The following CLSPN variants were observed in gnomAD, a reference collection of about 807,000 sequenced individuals.
CLSPN encodes claspin homolog.
In CLSPN, 85 loss-of-function variants were observed where a neutral mutation model predicts 156.3. The ratio of observed to expected loss-of-function variants is 0.54; its 90% confidence interval spans 0.46 to 0.65. The LOEUF (loss-of-function observed/expected upper bound fraction) is 0.65, where lower values mean the gene tolerates loss of function less well. CLSPN is among the 30% of genes least tolerant of loss of function. The pLI is 0.00. For synonymous variants in CLSPN, 534 were observed against 542.4 expected (o/e 0.98, Z 0.22); for missense variants, 1,407 against 1,554.9 (o/e 0.90, Z 1.60).
chr1:35,764,268 G>C lies in CLSPN; in HGVS notation c.580C>G (p.Gln194Glu). 2 of 1,548,496 alleles carry C rather than the reference G, an allele frequency of 1.3e-6. No individual in the cohort carries two copies. Among genetic ancestry groups the C allele is most frequent in the Non-Finnish European group, 1.7e-6 (2 of 1,150,300 alleles). ...RQLKKKETKN[Q>E]EDDVEQPFND... ...GCAAATTATTCTTTAAAATGTACCTGGTTTTTTGTTTCCTTCTTTTTTAGC... is the reference window on the plus strand; with the variant it reads ...GCAAATTATTCTTTAAAATGTACCTCGTTTTTTGTTTCCTTCTTTTTTAGC... Residue 194 changes from glutamine (Q) to glutamate (E), a missense_variant and splice_region_variant, in exon 3 of 25, where the codon CAG (glutamine) becomes GAG (glutamate). Around this residue, in one of 3 missense-constraint regions of CLSPN, gnomAD observed 1,096 missense variants for 1,193.0 expected, o/e 0.92. Transcript: ENST00000318121.
chr1:35,739,011 G>T, intron 20 of CLSPN, 125 bp downstream of exon 20: 1 of 1,110,700 alleles, frequency 9.0e-7, no homozygotes, highest in Non-Finnish European at 1.3e-6. Flanking sequence ...ATGTTGTTCA[G>T]GCTGGTCCTG....
intron 1 of CLSPN, among the ~76,000 whole-genome samples, chr1:35,767,065 A>G (rs930833968): frequency 6.6e-6 from 1 of 152,248 alleles, no homozygotes; most frequent in Non-Finnish European, 1.5e-5. Flanking sequence ...TTCTATATAC[A>G]TAAATGTATG....
rs181295742 is a variant in CLSPN, at chr1:35,760,364, T to C, written c.1557A>G (p.Ile519Met). ...TACCTCTGTTGGTTTCAGGTTCAAG[T>C]ATCACAAAGGAATCTTCATCAGCAC... is the stretch of plus-strand genomic sequence containing the variant. ...RLGADEDSFVILEPETNRELE... is the reference protein window; with the variant it reads ...RLGADEDSFVMLEPETNRELE... Residue 519 changes from isoleucine to methionine, a missense_variant, in exon 8 of 25, where the codon ATA becomes ATG. Coordinates refer to ENST00000318121, the MANE Select transcript of CLSPN (RefSeq NM_022111.4). 1.2e-6 allele frequency: 2 copies of C among 1,613,480 alleles called. No individual in the cohort carries two copies. Among genetic ancestry groups the C allele is most frequent in the East Asian group, 2.2e-5 (1 of 44,884 alleles).
At chr1:35,728,676 T>C (rs1402227459), downstream of CLSPN, among the ~76,000 whole-genome samples, 1 of 152,114 alleles carries the variant, frequency 6.6e-6, no homozygotes, top group Non-Finnish European at 1.5e-5. Context: ...GCCCACTCTG[T>C]GTAAGGGACT....
chr1:35,752,681 T>C lies in CLSPN; in HGVS notation c.1771+1064A>G, dbSNP rs561301776. ...ATTAGACTACTGGTCCTACCATTTA[T>C]TAGCTGTGTAAACTTGAGCAAGTGT... On this transcript the variant is annotated intron_variant, in intron 9 of 24. Coordinates refer to ENST00000318121, the MANE Select transcript of CLSPN (RefSeq NM_022111.4). Among the ~76,000 whole-genome samples, 19 of 152,108 alleles carry C rather than the reference T, an allele frequency of 1.2e-4. 1 individual carries two copies. The South Asian group carries it at 3.7e-3, about 30-fold the overall frequency.
At chr1:35,758,730 A>G (rs1642372405) in intron 8 of CLSPN, among the ~76,000 whole-genome samples, 1 of 151,702 alleles carries the variant, frequency 6.6e-6, no homozygotes, top group Non-Finnish European at 1.5e-5. Flanking sequence ...TGTTTATACT[A>G]TCCATTTGCA....
At chr1:35,769,425 C>G (rs1203809386) in intron 1 of CLSPN, among the ~76,000 whole-genome samples, 2 of 152,244 alleles carry the variant, frequency 1.3e-5, no homozygotes, top group African/African-American at 4.8e-5. Flanking sequence ...CCCTAACACC[C>G]TCGCTCGCCC....
chr1:35,750,923 A>C lies in CLSPN; in HGVS notation c.2028+327T>G, dbSNP rs1571208534. Among the ~76,000 whole-genome samples, 3 of 151,936 alleles carry C rather than the reference A, an allele frequency of 2.0e-5. No individual in the cohort carries two copies. In the South Asian group the frequency reaches 6.3e-4, roughly 32 times the overall value. On this transcript the variant is annotated intron_variant, in intron 10 of 24. Coordinates refer to ENST00000318121, the MANE Select transcript of CLSPN (RefSeq NM_022111.4). ...GCTAGAGAAACCTAAATAAACAACAAAGATAAAATTTCCTACGAATACAAA... is the reference window on the plus strand; with the variant it reads ...GCTAGAGAAACCTAAATAAACAACACAGATAAAATTTCCTACGAATACAAA...
chr1:35,764,417 A>C lies in CLSPN; in HGVS notation c.431T>G (p.Phe144Cys). ...LSLQSGNSTD[F>C]TTDRKSSKKH... Reference sequence around the variant, plus strand: ...TTTGGAACTCTTTCTGTCAGTGGTAAAGTCTGTAGAGTTTCCAGACTGAAG... The same window carrying C: ...TTTGGAACTCTTTCTGTCAGTGGTACAGTCTGTAGAGTTTCCAGACTGAAG... Residue 144 changes from phenylalanine (F) to cysteine (C), a missense_variant, in exon 3 of 25, where the codon TTT (phenylalanine) becomes TGT (cysteine). By Grantham distance (205) the Phe-to-Cys change is radical. Around this residue, in one of 3 missense-constraint regions of CLSPN, gnomAD observed 1,096 missense variants for 1,193.0 expected, o/e 0.92. Transcript: ENST00000318121. 2 of 1,613,894 alleles carry C rather than the reference A, an allele frequency of 1.2e-6. No individual in the cohort carries two copies. The highest frequency in any genetic ancestry group is 1.7e-6 in the Non-Finnish European group (2 of 1,179,980).
chr1:35,743,406 A>G lies in CLSPN; in HGVS notation c.3042+49T>C, dbSNP rs374907851. The G allele has an allele frequency of 1.0e-5, 15 of 1,493,976 alleles. No homozygotes were observed. The African/African-American group carries it at 1.8e-4, about 18-fold the overall frequency. 92.5% of individuals were successfully genotyped at this position (1,493,976 alleles called of 1,614,324 possible). ...TGAGGGGAAAAAAACACTTGAGGGC[A>G]GCAATACATGGAGCTCAGTTATGAT... is the stretch of plus-strand genomic sequence containing the variant. On this transcript the variant is annotated intron_variant, in intron 17 of 24. Coordinates refer to ENST00000318121, the MANE Select transcript of CLSPN (RefSeq NM_022111.4).
chr1:35,728,921 A>AACACACACAC (rs58348673), downstream of CLSPN, among the ~76,000 whole-genome samples: 128 of 85,132 alleles, frequency 1.5e-3, 1 homozygote, highest in East Asian at 9.3e-3. Flanking sequence ...CCTCCCCTCA[A>AACACACACAC]ACACACACAC....
chr1:35,746,752 G>C lies in CLSPN; in HGVS notation c.2854+14C>G, dbSNP rs369898425. 2 of 1,548,542 alleles carry C rather than the reference G, an allele frequency of 1.3e-6. No individual in the cohort carries two copies. Among genetic ancestry groups the C allele is most frequent in the South Asian group, 1.1e-5 (1 of 89,650 alleles). On this transcript the variant is annotated intron_variant, in intron 15 of 24. Coordinates refer to ENST00000318121, the MANE Select transcript of CLSPN (RefSeq NM_022111.4). The surrounding 1 kb of genome is among the most constrained non-coding windows in gnomAD (Gnocchi z 4.2). Reference sequence around the variant, plus strand: ...TGGGTGTGGTAAGCTTGATACTCTCGGTTGGATATTTACCCTGAGAAGTGA... The same window carrying C: ...TGGGTGTGGTAAGCTTGATACTCTCCGTTGGATATTTACCCTGAGAAGTGA...
intron 1 of CLSPN, among the ~76,000 whole-genome samples, chr1:35,765,546 A>T (rs1451620813): frequency 6.6e-6 from 1 of 152,168 alleles, no homozygotes; most frequent in African/African-American, 2.4e-5. Context: ...TCTTTTAGTA[A>T]CGGTAAAAAA....
chr1:35,749,685 G>A lies in CLSPN; in HGVS notation c.2155C>T (p.Leu719Phe). 1.9e-6 allele frequency: 3 copies of A among 1,614,154 alleles called. No homozygotes were observed. Among genetic ancestry groups the A allele is most frequent in the Non-Finnish European group, 2.5e-6 (3 of 1,180,024 alleles). ...AGAAGTAAAGTAGAATCTGATGAGA[G>A]AGACTTGGGAACAGAGAGGAAGCCA... ...AVGFLSVPKS[L>F]SSDSTLLLFK... Residue 719 changes from leucine to phenylalanine, a missense_variant, in exon 11 of 25, where the codon CTC (leucine) becomes TTC (phenylalanine). Physicochemically the swap from Leu to Phe is conservative, Grantham distance 22. Around this residue, in one of 3 missense-constraint regions of CLSPN, gnomAD observed 1,096 missense variants for 1,193.0 expected, o/e 0.92. Transcript: ENST00000318121.
At chr1:35,751,814 C>G (rs576250550) in intron 9 of CLSPN, among the ~76,000 whole-genome samples, 1 of 150,600 alleles carries the variant, frequency 6.6e-6, no homozygotes, top group African/African-American at 2.4e-5. Context: ...GATAAATTTA[C>G]CTATATTAAA....
intron 24 of CLSPN, among the ~76,000 whole-genome samples, chr1:35,722,151 T>A (rs1260861982): frequency 2.7e-5 from 4 of 150,638 alleles, no homozygotes; most frequent in African/African-American, 2.4e-5. Context: ...AAAAAAAAAA[T>A]TAAAATAAAA....
At chr1:35,743,408 C>T in intron 17 of CLSPN, 47 bp downstream of exon 17, 7 of 1,501,696 alleles carry the variant, frequency 4.7e-6, no homozygotes, top group Non-Finnish European at 6.5e-6. Flanking sequence ...TTGAGGGCAG[C>T]AATACATGGA....
At chr1:35,745,174 AAC>A (rs1641834428) in intron 16 of CLSPN, among the ~76,000 whole-genome samples, 2 of 152,116 alleles carry the variant, frequency 1.3e-5, no homozygotes, top group African/African-American at 4.8e-5. Context: ...CATTCTCACT[AAC>A]ACTCTTGGGG....
chr1:35,747,987 A>T lies in CLSPN; in HGVS notation c.2547T>A (p.Pro849=). ...CTCCTGCTCCTAGGAAAAGTGTCTTAGGCTCTGGGGAGGCGTTATACAGAT... is the reference window on the plus strand; with the variant it reads ...CTCCTGCTCCTAGGAAAAGTGTCTTTGGCTCTGGGGAGGCGTTATACAGAT... ...SQDLYNASPE[P]KTLFLGAGDF... Residue 849 remains proline, a synonymous_variant, in exon 14 of 25, where the codon CCT becomes CCA. Transcript: ENST00000318121. 6.2e-7 allele frequency: 1 copy of T among 1,614,226 alleles called. No individual in the cohort carries two copies. The highest frequency in any genetic ancestry group is 8.5e-7 in the Non-Finnish European group (1 of 1,180,028).
Sources: allele counts gnomAD v4.1 joint callset (sites outside exome capture counted in the v4.1 genomes callset), GRCh38; gene constraint gnomAD v4.1.1; regional missense constraint gnomAD v4.1.1; non-coding constraint Gnocchi (gnomAD v3.1); transcripts MANE v1.5; gene names NCBI Gene and HGNC (gene_info 2026-07-23, HGNC 2026-07-21).